Variants in CDYL observed in about 807,000 individuals in gnomAD.
The protein encoded by CDYL is chromodomain Y like.
Under a neutral mutation model 47.3 loss-of-function variants are expected in CDYL, and 8 were observed. The observed-to-expected ratio is 0.17, with a 90% CI of 0.10 to 0.31. The LOEUF (loss-of-function observed/expected upper bound fraction) is 0.31, where lower values mean the gene tolerates loss of function less well. Ranked by LOEUF, CDYL falls within the 10% of genes least tolerant of loss-of-function variation. CDYL has a pLI of 1.00. For synonymous variants in CDYL, 266 were observed against 265.0 expected, an observed-to-expected ratio of 1.00 and a Z score of -0.04; for missense variants, 471 against 701.4, an observed-to-expected ratio of 0.67 and a Z score of 3.71.
chr6:4,868,013 A>T (rs946168523), intron 1 of CDYL, among the ~76,000 whole-genome samples: 6 of 151,784 alleles, frequency 4.0e-5, no homozygotes, highest in African/African-American at 1.5e-4. Flanking sequence ...TTTGGGTGGA[A>T]GATCATTCTA....
chr6:4,861,488 G>A (rs1053632257), intron 1 of CDYL, among the ~76,000 whole-genome samples: 2 of 152,228 alleles, frequency 1.3e-5, no homozygotes, highest in Admixed American at 6.5e-5. Context: ...AGGGCCAAGA[G>A]GGCCAGTAAA....
chr6:4,774,521 G>A (rs1230965080), upstream of CDYL: 1 of 152,252 alleles, frequency 6.6e-6, no homozygotes, highest in Non-Finnish European at 1.5e-5. Flanking sequence ...AGAGCTTGAG[G>A]CGCCTTGACC....
At chr6:4,706,829 T>G (rs1405912340) in intron 1 of CDYL, among the ~76,000 whole-genome samples, 1 of 151,918 alleles carries the variant, frequency 6.6e-6, no homozygotes, top group Non-Finnish European at 1.5e-5. Context: ...GAGCAGAGAG[T>G]GGCAAAGCAG....
At chr6:4,863,189 G>T (rs896663800) in intron 1 of CDYL, among the ~76,000 whole-genome samples, 1 of 152,076 alleles carries the variant, frequency 6.6e-6, no homozygotes, top group African/African-American at 2.4e-5. Context: ...TAAACACTGG[G>T]GACTCCAAAA....
At chr6:4,847,947 A>G (rs917734086) in intron 1 of CDYL, among the ~76,000 whole-genome samples, 1 of 152,180 alleles carries the variant, frequency 6.6e-6, no homozygotes, top group Non-Finnish European at 1.5e-5. Flanking sequence ...GTTAGAAAAA[A>G]GATGTGCGAA....
At chr6:4,724,168 G>C (rs1247331228) in intron 2 of CDYL, among the ~76,000 whole-genome samples, 1 of 152,032 alleles carries the variant, frequency 6.6e-6, no homozygotes, top group Non-Finnish European at 1.5e-5. Context: ...AGCTTCCGAA[G>C]TAGCTGGGAC....
At chr6:4,845,200 T>C (rs1480182891) in intron 1 of CDYL, among the ~76,000 whole-genome samples, 1 of 152,258 alleles carries the variant, frequency 6.6e-6, no homozygotes, top group African/African-American at 2.4e-5. Flanking sequence ...GTTCAAAAGC[T>C]GACTTTTCAA....
upstream of CDYL, among the ~76,000 whole-genome samples, chr6:4,775,890 C>T (rs565855931): frequency 2.7e-5 from 4 of 150,592 alleles, no homozygotes; most frequent in Admixed American, 6.6e-5. The surrounding 1 kb of genome is among the most constrained non-coding windows in gnomAD (Gnocchi z 7.0). Context: ...TGGAGGGAGG[C>T]GCGCGGTAGA....
rs1762075275 is a variant in CDYL, at chr6:4,892,360, C to T, written c.672C>T (p.Gly224=). The T allele has an allele frequency of 6.2e-7, 1 of 1,610,538 alleles. No homozygotes were observed. The highest frequency in any genetic ancestry group is 8.5e-7 in the Non-Finnish European group (1 of 1,177,904). ...PGPVTAAMAT[G]LAVNGKGTSP... ...CTGTGACTGCAGCCATGGCCACAGG[C>T]TTAGCTGTTAACGGGAAAGGTGAGT... Residue 224 remains glycine, a synonymous_variant, in exon 2 of 7, where the codon GGC becomes GGT. Coordinates refer to ENST00000397588, the MANE Select transcript of CDYL (RefSeq NM_004824.4).
At chr6:4,833,928 A>G (rs535153245) in intron 1 of CDYL, among the ~76,000 whole-genome samples, 2 of 151,822 alleles carry the variant, frequency 1.3e-5, no homozygotes, top group East Asian at 1.9e-4. Flanking sequence ...TTTGCTTGGT[A>G]GATCTTCCTC....
rs1347018194 is a variant in CDYL, at chr6:4,741,186, C to G, written c.186+6342C>G. On this transcript the variant is annotated intron_variant, in intron 3 of 8. Transcript: ENST00000328908. ...AATTCAGTCTAACCCTGGCTATTTC[C>G]AAAGCCAAAGGAAGCACAACACAGG... Among the ~76,000 whole-genome samples, 2 of 152,228 alleles carry G rather than the reference C, an allele frequency of 1.3e-5. 1 individual carries two copies. The highest frequency in any genetic ancestry group is 3.9e-4 in the East Asian group (2 of 5,180).
chr6:4,903,641 G>T (rs907604898), intron 2 of CDYL, among the ~76,000 whole-genome samples: 20 of 152,122 alleles, frequency 1.3e-4, no homozygotes, highest in African/African-American at 4.8e-4. Flanking sequence ...GCAGTCTCTG[G>T]CCCCAGTGGA....
intron 2 of CDYL, among the ~76,000 whole-genome samples, chr6:4,732,386 G>T (rs928182436): frequency 1.3e-5 from 2 of 152,012 alleles, no homozygotes; most frequent in Non-Finnish European, 1.5e-5. Context: ...GGGCACTGCG[G>T]CTTATGCCTG....
chr6:4,878,523 A>G (rs1263545758), intron 1 of CDYL, among the ~76,000 whole-genome samples: 1 of 151,978 alleles, frequency 6.6e-6, no homozygotes, highest in African/African-American at 2.4e-5. Flanking sequence ...CAGTTTTGGC[A>G]AGTTGTATTT....
chr6:4,711,050 T>C (rs1167251205), intron 1 of CDYL, among the ~76,000 whole-genome samples: 1 of 152,110 alleles, frequency 6.6e-6, no homozygotes. Flanking sequence ...TTCAAATATA[T>C]ACTGTAAAAG....
At chr6:4,775,664 G>A (rs1290039797), upstream of CDYL, among the ~76,000 whole-genome samples, 1 of 150,068 alleles carries the variant, frequency 6.7e-6, no homozygotes, top group East Asian at 2.0e-4. The surrounding 1 kb of genome is among the most constrained non-coding windows in gnomAD (Gnocchi z 7.0). Flanking sequence ...CCCGCCCCCC[G>A]GATCCCACCC....
chr6:4,806,283 A>G (rs750166543), intron 1 of CDYL, among the ~76,000 whole-genome samples: 18 of 152,352 alleles, frequency 1.2e-4, no homozygotes, highest in Non-Finnish European at 2.1e-4. Context: ...CCAGGATTTC[A>G]GAGCAGGGCA....
intron 4 of CDYL, among the ~76,000 whole-genome samples, chr6:4,938,522 G>A (rs1372605807): frequency 6.6e-6 from 1 of 152,150 alleles, no homozygotes; most frequent in African/African-American, 2.4e-5. Flanking sequence ...CGAATACATT[G>A]TGGAATGGTT....
chr6:4,796,928 T>C (rs1759088525), intron 1 of CDYL, among the ~76,000 whole-genome samples: 1 of 152,206 alleles, frequency 6.6e-6, no homozygotes, highest in African/African-American at 2.4e-5. Flanking sequence ...GAGATTTTTC[T>C]ACATGGATTT....
Sources: gnomAD v4.1 joint callset for allele counts (sites outside exome capture counted in the v4.1 genomes callset) on GRCh38, gnomAD v4.1.1 for gene constraint, Gnocchi (gnomAD v3.1) non-coding constraint, MANE v1.5 for transcripts, NCBI Gene and HGNC (gene_info 2026-07-23, HGNC 2026-07-21) for gene names.